The following BRI3 variants were observed in gnomAD, a reference collection of about 807,000 sequenced individuals.
BRI3 encodes brain protein I3, also known as membrane protein BRI3.
Under a neutral mutation model 12.8 loss-of-function variants are expected in BRI3, and 6 were observed. The ratio of observed to expected loss-of-function variants is 0.47; its 90% CI spans 0.26 to 0.93. The LOEUF is 0.93. BRI3 is among the 40% of genes least tolerant of loss of function. The probability of loss-of-function intolerance (pLI) is 0.15; values close to 1 mark genes in which losing one functional copy is unlikely to be tolerated. For synonymous variants in BRI3, 91 were observed against 76.1 expected (o/e 1.20, Z -1.02); for missense variants, 134 against 171.1 (o/e 0.78, Z 1.21).
At chr7:98,304,129 G>C, upstream of BRI3, 2 of 1,463,092 alleles carry the variant, frequency 1.4e-6, no homozygotes, top group Non-Finnish European at 1.8e-6. Flanking sequence ...GTCACCACAG[G>C]ACCTGCGCCT....
downstream of BRI3, chr7:98,292,706 A>AC: frequency 6.4e-7 from 1 of 1,551,640 alleles, no homozygotes; most frequent in Non-Finnish European, 8.7e-7. Context: ...ACACGGAGAA[A>AC]CCAGGACCCC....
Position 98,291,166 on chromosome 7 carries a change from C to G in BRI3, c.301C>G (p.Leu101Val), listed in dbSNP as rs752273619. 6.2e-7 allele frequency: 1 copy of G among 1,614,236 alleles called. No homozygotes were observed. ...CCTGGGCATCTTCCTGGCCATCATC[C>G]TCTTCCCCTTTGGGTTCATTTGCTG... ...TFLGIFLAIILFPFGFICCFA... is the reference protein window; with the variant it reads ...TFLGIFLAIIVFPFGFICCFA... The change falls in exon 3 of 3, where the codon CTC (leucine) becomes GTC (valine). Residue 101 changes from leucine to valine, a missense_variant. By Grantham distance (32) the Leu-to-Val change is conservative. Transcript: ENST00000297290.
downstream of BRI3, among the ~76,000 whole-genome samples, chr7:98,294,878 C>G (rs955949564): frequency 6.6e-6 from 1 of 152,208 alleles, no homozygotes; most frequent in Non-Finnish European, 1.5e-5. Context: ...CTTCCAGCAC[C>G]TGCCACCCAG....
At chr7:98,285,518 C>T (rs949660448) in intron 2 of BRI3, among the ~76,000 whole-genome samples, 5 of 152,282 alleles carry the variant, frequency 3.3e-5, no homozygotes, top group African/African-American at 4.8e-5. Context: ...GTGGGGGCAG[C>T]GGATGGGCCG....
chr7:98,301,607 G>A (rs1382630799), upstream of BRI3, among the ~76,000 whole-genome samples: 5 of 152,012 alleles, frequency 3.3e-5, no homozygotes. Context: ...GTGAGCCACC[G>A]TGCCCGGCCA....
upstream of BRI3, among the ~76,000 whole-genome samples, chr7:98,304,830 GT>G (rs1221718380): frequency 2.0e-5 from 3 of 149,902 alleles, no homozygotes; most frequent in Non-Finnish European, 4.4e-5. Flanking sequence ...AAACACTAAT[GT>G]TTTTAGTGGT....
At chr7:98,288,272 C>T (rs183734900) in intron 2 of BRI3, among the ~76,000 whole-genome samples, 29 of 152,278 alleles carry the variant, frequency 1.9e-4, no homozygotes, top group African/African-American at 6.5e-4. Context: ...GGGGACACAG[C>T]TGGTGCTTGG....
At chr7:98,288,377 G>A (rs990584436) in intron 2 of BRI3, among the ~76,000 whole-genome samples, 9 of 152,130 alleles carry the variant, frequency 5.9e-5, no homozygotes, top group East Asian at 1.9e-4. Flanking sequence ...TGCTGCAGTC[G>A]GCAGGGCTGG....
chr7:98,315,571 T>C, the BRI3 span: 1 of 1,485,990 alleles, frequency 6.7e-7, no homozygotes, highest in Non-Finnish European at 9.0e-7. Flanking sequence ...CTGCAATGAA[T>C]TTCTGGATTT....
chr7:98,290,223 C>T (rs1390041440), intron 2 of BRI3, among the ~76,000 whole-genome samples: 1 of 126,910 alleles, frequency 7.9e-6, no homozygotes, highest in African/African-American at 3.1e-5. Flanking sequence ...GAGTCTCGCT[C>T]TGTCGCCCAG....
upstream of BRI3, chr7:98,304,413 T>C: frequency 6.2e-7 from 1 of 1,607,110 alleles, no homozygotes; most frequent in South Asian, 1.1e-5. Context: ...TGTTAGATAA[T>C]GTCTCACCAC....
At chr7:98,293,649 G>T, downstream of BRI3, 2 of 1,541,960 alleles carry the variant, frequency 1.3e-6, no homozygotes, top group Non-Finnish European at 1.8e-6. Context: ...AGGGAAACTG[G>T]ATTTTAACAG....
upstream of BRI3, among the ~76,000 whole-genome samples, chr7:98,302,836 A>G (rs958958044): frequency 1.3e-5 from 2 of 152,180 alleles, no homozygotes; most frequent in Non-Finnish European, 2.9e-5. Flanking sequence ...CCAGGCTGGC[A>G]TGCAGTGGTA....
upstream of BRI3, chr7:98,304,076 CGGGGACACCACTCTCCCCCT>C (rs1562965503): frequency 3.7e-6 from 4 of 1,095,166 alleles, no homozygotes; most frequent in African/African-American, 4.9e-5. Context: ...CCCTCCTCCC[CGGGGACACCACTCTCCCCCT>C]GGGGACAGAG....
At chr7:98,313,982 C>CTTT (rs35599338), downstream of BRI3, among the ~76,000 whole-genome samples, 111 of 100,960 alleles carry the variant, frequency 1.1e-3, 1 homozygote, top group Non-Finnish European at 1.6e-3. Flanking sequence ...CTTTTTCTTC[C>CTTT]TTTTTTTTTT....
Position 98,291,388 on chromosome 7 carries a change from C to A in BRI3, c.*145C>A, listed in dbSNP as rs62479857. ...GTGGCACACGCCAGCTGCGGTTTCC[C>A]GGAGCGTGGAGAGGCAGTGCTGCTG... On this transcript the variant is annotated 3_prime_UTR_variant, in exon 3 of 3. Coordinates refer to ENST00000297290, the MANE Select transcript of BRI3 (RefSeq NM_015379.5). 12 of 1,471,216 alleles carry A rather than the reference C, an allele frequency of 8.2e-6. No individual in the cohort carries two copies. Among genetic ancestry groups the A allele is most frequent in the East Asian group, 4.9e-5 (2 of 40,628 alleles). 91.1% of individuals were successfully genotyped at this position (1,471,216 alleles called of 1,614,324 possible).
downstream of BRI3, among the ~76,000 whole-genome samples, chr7:98,311,854 C>T (rs1292905232): frequency 6.6e-6 from 1 of 151,968 alleles, no homozygotes; most frequent in African/African-American, 2.4e-5. Flanking sequence ...TGCAGTGAGC[C>T]GAGATCACTC....
intron 2 of BRI3, among the ~76,000 whole-genome samples, chr7:98,287,012 C>G (rs957477842): frequency 6.6e-6 from 1 of 152,186 alleles, no homozygotes; most frequent in African/African-American, 2.4e-5. Flanking sequence ...AGGTGAGGGC[C>G]GAACTCTCCT....
the BRI3 span, among the ~76,000 whole-genome samples, chr7:98,321,395 C>T: frequency 1.1e-4 from 17 of 152,260 alleles, no homozygotes; most frequent in Non-Finnish European, 1.9e-4. Flanking sequence ...AAAATACTAA[C>T]GCCAGGGGAA....
Sources: allele counts gnomAD v4.1 joint callset (sites outside exome capture counted in the v4.1 genomes callset), GRCh38; gene constraint gnomAD v4.1.1; transcripts MANE v1.5; gene names NCBI Gene and HGNC (gene_info 2026-07-23, HGNC 2026-07-21).